Variants in NHEJ1 observed in about 807,000 individuals in gnomAD.
NHEJ1 encodes non-homologous end-joining factor 1.
NHEJ1 carries 22 observed loss-of-function variants against 39.4 expected under a neutral mutation model. The ratio of observed to expected loss-of-function variants is 0.56; its 90% CI spans 0.40 to 0.80. NHEJ1 has a LOEUF of 0.80. Among genes scored for constraint, NHEJ1 ranks in the 30% least tolerant of loss-of-function variants. The pLI, the probability that NHEJ1 is intolerant of heterozygous loss-of-function variation, is 0.00. For missense variants in NHEJ1, 329 were observed against 357.1 expected, an observed-to-expected ratio of 0.92 and a Z score of 0.63; for synonymous variants, 154 against 135.6, an observed-to-expected ratio of 1.14 and a Z score of -0.94.
chr2:219,104,708 CA>C (rs1949298882), intron 5 of NHEJ1, among the ~76,000 whole-genome samples: 1 of 148,630 alleles, frequency 6.7e-6, no homozygotes, highest in African/African-American at 2.5e-5. Context: ...GGCACCCCCC[CA>C]CACACACAAA....
chr2:219,118,942 G>A (rs1949443889), intron 5 of NHEJ1, among the ~76,000 whole-genome samples: 1 of 152,232 alleles, frequency 6.6e-6, no homozygotes, highest in Admixed American at 6.5e-5. Flanking sequence ...GGCAGACTCT[G>A]AGTTTCAGCA....
At chr2:219,129,942 T>G (rs1482718446) in intron 5 of NHEJ1, among the ~76,000 whole-genome samples, 1 of 151,308 alleles carries the variant, frequency 6.6e-6, no homozygotes, top group African/African-American at 2.4e-5. Flanking sequence ...TTTTTCCCTT[T>G]TCCCCAAACA....
At chr2:219,150,849 G>A (rs949333438) in intron 3 of NHEJ1, among the ~76,000 whole-genome samples, 4 of 151,920 alleles carry the variant, frequency 2.6e-5, no homozygotes, top group Non-Finnish European at 5.9e-5. Context: ...CCAGCTACTC[G>A]GGAGGCTGAG....
chr2:219,103,282 T>A (rs982979115), intron 5 of NHEJ1, among the ~76,000 whole-genome samples: 5 of 152,030 alleles, frequency 3.3e-5, no homozygotes, highest in African/African-American at 1.2e-4. Context: ...TTTTATTTTT[T>A]CTTTTTTCTT....
At chr2:219,154,551 C>T (rs1949831097) in intron 3 of NHEJ1, among the ~76,000 whole-genome samples, 1 of 152,158 alleles carries the variant, frequency 6.6e-6, no homozygotes, top group African/African-American at 2.4e-5. Context: ...ACCTTACAGA[C>T]ATACACACAA....
chr2:219,102,685 C>T (rs1339074697), intron 5 of NHEJ1: 1 of 151,766 alleles, frequency 6.6e-6, no homozygotes, highest in East Asian at 1.9e-4. Flanking sequence ...CTGTGAATAG[C>T]TACTGCACTC....
chr2:219,110,793 G>T (rs1949358733), intron 5 of NHEJ1, among the ~76,000 whole-genome samples: 1 of 152,132 alleles, frequency 6.6e-6, no homozygotes, highest in South Asian at 2.1e-4. Context: ...TGGGGCACCG[G>T]TCTCAGATGT....
chr2:219,090,507 T>C (rs924771482), intron 5 of NHEJ1, among the ~76,000 whole-genome samples: 3 of 152,228 alleles, frequency 2.0e-5, no homozygotes, highest in African/African-American at 7.2e-5. Flanking sequence ...TGCTGTGTCC[T>C]AAGGATAAGA....
intron 5 of NHEJ1, among the ~76,000 whole-genome samples, chr2:219,098,223 C>T (rs114683928): frequency 3.0e-4 from 46 of 152,178 alleles, no homozygotes; most frequent in African/African-American, 1.1e-3. Flanking sequence ...GGTAAGATCA[C>T]AGTAAAAATA....
chr2:219,088,697 T>C (rs1949134038), intron 5 of NHEJ1, among the ~76,000 whole-genome samples: 1 of 152,232 alleles, frequency 6.6e-6, no homozygotes, highest in Non-Finnish European at 1.5e-5. Context: ...CTGGAAATTT[T>C]CTAGCTCTTG....
intron 5 of NHEJ1, among the ~76,000 whole-genome samples, chr2:219,137,834 T>G (rs1476259635): frequency 2.0e-5 from 3 of 152,182 alleles, no homozygotes; most frequent in Non-Finnish European, 4.4e-5. Context: ...TATAGAAAGC[T>G]TTTTCTAATC....
intron 5 of NHEJ1, among the ~76,000 whole-genome samples, chr2:219,085,270 T>C (rs73991022): frequency 0.016 from 2,446 of 152,310 alleles, 66 homozygotes; most frequent in African/African-American, 0.056. Context: ...TCCTTTCTCC[T>C]CATTTCAAAT....
Position 219,124,016 on chromosome 2 carries a change from C to T in NHEJ1, c.588+22664G>A, listed in dbSNP as rs1477920954. 2.6e-5 allele frequency among the ~76,000 whole-genome samples: 4 copies of T among 152,174 alleles called. No individual in the cohort carries two copies. In the South Asian group the frequency reaches 6.2e-4, roughly 24 times the overall value. ...AGAGGGAGAAGGAAATAGGAGGAATCGAAATTGTTAGCAATAACCCTAGCA... is the reference window on the plus strand; with the variant it reads ...AGAGGGAGAAGGAAATAGGAGGAATTGAAATTGTTAGCAATAACCCTAGCA... On this transcript the variant is annotated intron_variant, in intron 5 of 7. Transcript: ENST00000356853.
chr2:219,136,119 C>T (rs56409386), intron 5 of NHEJ1, among the ~76,000 whole-genome samples: 2,931 of 152,116 alleles, frequency 0.019, 97 homozygotes, highest in African/African-American at 0.067. Flanking sequence ...TTTGTAATAT[C>T]TGGTTTTGAG....
At chr2:219,080,668 T>TATATATGCTAATATATATAAGC (rs1559185964) in intron 5 of NHEJ1, among the ~76,000 whole-genome samples, 469 of 16,246 alleles carry the variant, frequency 0.029, 7 homozygotes, top group African/African-American at 0.081. Context: ...TATATAAGCT[T>TATATATGCTAATATATATAAGC]TTATATATGC....
chr2:219,134,528 T>G (rs1949606963), intron 5 of NHEJ1, among the ~76,000 whole-genome samples: 1 of 152,228 alleles, frequency 6.6e-6, no homozygotes, highest in Non-Finnish European at 1.5e-5. Flanking sequence ...TCCTTCCAGT[T>G]ATGACTATTC....
chr2:219,159,192 A>T (rs1949886242), intron 1 of NHEJ1: 1 of 152,270 alleles, frequency 6.6e-6, no homozygotes, highest in African/African-American at 2.4e-5. Flanking sequence ...TTCCCACTCC[A>T]GTGCACTGCC....
Position 219,072,243 on chromosome 2 carries a change from T to C in NHEJ1, c.*4138A>G, listed in dbSNP as rs1948963737. Among the ~76,000 whole-genome samples the C allele has an allele frequency of 6.6e-6, 1 of 152,186 alleles. No homozygotes were observed. The highest frequency in any genetic ancestry group is 1.9e-4 in the East Asian group (1 of 5,188). The stretch of plus-strand genomic sequence containing the variant: ...CTGGACAAGAGCACCCTGTAGCAGC[T>C]TCCAGGGCATCAATGCAGCTGGGAA... On this transcript the variant is annotated 3_prime_UTR_variant, in exon 8 of 8. Transcript: ENST00000356853.
intron 5 of NHEJ1, among the ~76,000 whole-genome samples, chr2:219,109,181 A>T (rs543833201): frequency 6.6e-6 from 1 of 152,278 alleles, no homozygotes; most frequent in South Asian, 2.1e-4. Context: ...TACACATCTC[A>T]ATGCCAGTCT....
Sources: gnomAD v4.1 joint callset for allele counts (sites outside exome capture counted in the v4.1 genomes callset) on GRCh38, gnomAD v4.1.1 for gene constraint, MANE v1.5 for transcripts, NCBI Gene and HGNC (gene_info 2026-07-23, HGNC 2026-07-21) for gene names.